The following PFKFB3 variants were observed in gnomAD, a reference collection of about 807,000 sequenced individuals.
PFKFB3 encodes the protein 6-phosphofructo-2-kinase/fructose-2,6-biphosphatase 3.
Under a neutral mutation model 68.0 loss-of-function variants are expected in PFKFB3, and 33 were observed. The ratio of observed to expected loss-of-function variants is 0.49; its 90% CI spans 0.37 to 0.65. The LOEUF (loss-of-function observed/expected upper bound fraction) is 0.65. Among genes scored for constraint, PFKFB3 ranks in the 30% least tolerant of loss-of-function variants. PFKFB3 has a pLI of 0.00. For synonymous variants in PFKFB3, 315 were observed against 288.2 expected (o/e 1.09, Z -0.94); for missense variants, 586 against 712.2 (o/e 0.82, Z 2.02).
chr10:6,288,292 T>C, the PFKFB3 span, among the ~76,000 whole-genome samples: 1 of 151,034 alleles, frequency 6.6e-6, no homozygotes, highest in East Asian at 1.9e-4. Flanking sequence ...CATGCTGGTG[T>C]GCTGCATCCA....
chr10:6,219,466 T>C, intron 6 of PFKFB3, 103 bp from the exon 7 acceptor site: 1 of 1,254,994 alleles, frequency 8.0e-7, no homozygotes, highest in Non-Finnish European at 1.2e-6. Context: ...ATCTTTATAC[T>C]GAGCCTTCTG....
intron 1 of PFKFB3, chr10:6,146,557 C>T (rs1294409356): frequency 1.4e-6 from 2 of 1,459,978 alleles, no homozygotes; most frequent in East Asian, 2.5e-5. Context: ...GTCCCTCCCC[C>T]CCTACTCATT....
At chr10:6,204,890 C>T (rs1843583196) in intron 1 of PFKFB3, among the ~76,000 whole-genome samples, 1 of 152,220 alleles carries the variant, frequency 6.6e-6, no homozygotes, top group Non-Finnish European at 1.5e-5. Context: ...CGAATGCCCA[C>T]GGGTCTGAGA....
chr10:6,304,545 G>A, the PFKFB3 span, among the ~76,000 whole-genome samples: 2 of 150,776 alleles, frequency 1.3e-5, no homozygotes, highest in East Asian at 3.9e-4. Context: ...AGTTTTAGAA[G>A]AGACAGAGTT....
At chr10:6,166,716 GC>G (rs1429227176) in intron 1 of PFKFB3, among the ~76,000 whole-genome samples, 1 of 151,982 alleles carries the variant, frequency 6.6e-6, no homozygotes, top group African/African-American at 2.4e-5. Context: ...GGGCCCAGGT[GC>G]CCTTGGACTT....
At chr10:6,156,827 C>T (rs1432128822) in intron 1 of PFKFB3, among the ~76,000 whole-genome samples, 2 of 151,986 alleles carry the variant, frequency 1.3e-5, no homozygotes, top group African/African-American at 4.8e-5. Context: ...CGTGGTGACT[C>T]ACGCCTGTAA....
Position 6,220,212 on chromosome 10 carries a change from C to T in PFKFB3, c.624-446C>T, listed in dbSNP as rs1171249498. Reference sequence around the variant, plus strand: ...AAACTTCTGGGCTCAAGTAATCCTACCGCCTCAGCCTCATGAGTAACTGGG... The same window carrying T: ...AAACTTCTGGGCTCAAGTAATCCTATCGCCTCAGCCTCATGAGTAACTGGG... On this transcript the variant is annotated intron_variant, in intron 7 of 14. Coordinates refer to ENST00000379775, the MANE Select transcript of PFKFB3 (RefSeq NM_004566.4). This position sits in a 1 kb window ranked among gnomAD's most constrained non-coding sequence, Gnocchi z 4.1. Among the ~76,000 whole-genome samples, 1 of 145,810 alleles carries T rather than the reference C, an allele frequency of 6.9e-6. No individual in the cohort carries two copies. Among genetic ancestry groups the T allele is most frequent in the Non-Finnish European group, 1.5e-5 (1 of 66,176 alleles).
intron 1 of PFKFB3, among the ~76,000 whole-genome samples, chr10:6,157,859 A>G (rs748361969): frequency 6.6e-6 from 1 of 152,214 alleles, no homozygotes; most frequent in Non-Finnish European, 1.5e-5. Flanking sequence ...ATGGCCTGAC[A>G]GTAAATCCCA....
intron 1 of PFKFB3, among the ~76,000 whole-genome samples, chr10:6,177,097 A>G (rs754225329): frequency 3.3e-5 from 5 of 152,218 alleles, no homozygotes; most frequent in African/African-American, 4.8e-5. Flanking sequence ...TCTCCTGGTC[A>G]TGCAGTGTCC....
intron 1 of PFKFB3, among the ~76,000 whole-genome samples, chr10:6,146,730 G>A (rs1841400339): frequency 6.6e-6 from 1 of 152,226 alleles, no homozygotes; most frequent in Admixed American, 6.5e-5. Context: ...AGCTGCTAAT[G>A]TATTGTTTGC....
the PFKFB3 span, among the ~76,000 whole-genome samples, chr10:6,263,813 G>A: frequency 6.6e-6 from 1 of 152,208 alleles, no homozygotes; most frequent in Non-Finnish European, 1.5e-5. Context: ...GGCCTCCCAA[G>A]TAGCTAGTAT....
rs1249915015 is a variant in PFKFB3 at position 6,203,341 on chromosome 10, G to A, written c.76+5G>A. On this transcript the variant is annotated splice_donor_5th_base_variant and intron_variant, in intron 1 of 14. Coordinates refer to ENST00000379775, the MANE Select transcript of PFKFB3 (RefSeq NM_004566.4). Reference sequence around the variant, plus strand: ...ACAGGCCCTCGTTGCCCAGATGTGAGTGCAGCTGCGCGGAGCCGGGTTGCA... The same window carrying A: ...ACAGGCCCTCGTTGCCCAGATGTGAATGCAGCTGCGCGGAGCCGGGTTGCA... 1.9e-6 allele frequency: 3 copies of A among 1,600,012 alleles called. No homozygotes were observed. Among genetic ancestry groups the A allele is most frequent in the African/African-American group, 1.4e-5 (1 of 73,284 alleles).
the PFKFB3 span, among the ~76,000 whole-genome samples, chr10:6,279,729 G>T: frequency 6.6e-6 from 1 of 152,188 alleles, no homozygotes; most frequent in African/African-American, 2.4e-5. Context: ...GGGACACCAG[G>T]AGGTGAACAA....
intron 14 of PFKFB3, chr10:6,231,218 T>C (rs977525516): frequency 4.6e-6 from 6 of 1,290,368 alleles, no homozygotes; most frequent in Non-Finnish European, 6.7e-6. Flanking sequence ...TTTTTTTTTT[T>C]CCTTTTCCAA....
the PFKFB3 span, among the ~76,000 whole-genome samples, chr10:6,288,171 T>C: frequency 3.7e-3 from 561 of 151,938 alleles, 4 homozygotes; most frequent in African/African-American, 0.013. Context: ...TACGGTGTTT[T>C]TTTCTTTCGT....
At chr10:6,190,310 G>T (rs1254378513) in intron 1 of PFKFB3, among the ~76,000 whole-genome samples, 2 of 152,208 alleles carry the variant, frequency 1.3e-5, no homozygotes, top group African/African-American at 2.4e-5. Flanking sequence ...AATTATTCCT[G>T]CAGTGATTAC....
At chr10:6,150,767 G>A (rs1046308808) in intron 1 of PFKFB3, among the ~76,000 whole-genome samples, 1 of 152,150 alleles carries the variant, frequency 6.6e-6, no homozygotes, top group Non-Finnish European at 1.5e-5. Flanking sequence ...GGAGGCCGAG[G>A]CGAGTGGATC....
At chr10:6,289,086 C>T in the PFKFB3 span, among the ~76,000 whole-genome samples, 42 of 150,204 alleles carry the variant, frequency 2.8e-4, no homozygotes, top group East Asian at 5.9e-4. Flanking sequence ...TTGAGTTCAT[C>T]GTAGATTCTG....
Position 6,216,751 on chromosome 10 carries a change from C to T in PFKFB3, c.412C>T (p.Leu138Phe). ...TACTAGAGAGAGGAGACACATGATC[C>T]TTCATTTTGCCAAAGAAAATGACTT... is the stretch of plus-strand genomic sequence containing the variant. ...NTTRERRHMI[L>F]HFAKENDFKA... Residue 138 changes from leucine (L) to phenylalanine (F), a missense_variant, in exon 5 of 15, where the codon CTT becomes TTT. Coordinates refer to ENST00000379775, the MANE Select transcript of PFKFB3 (RefSeq NM_004566.4). 6.2e-7 allele frequency: 1 copy of T among 1,613,642 alleles called. No individual in the cohort carries two copies. Among genetic ancestry groups the T allele is most frequent in the South Asian group, 1.1e-5 (1 of 91,072 alleles).
Sources: gnomAD v4.1 joint callset for allele counts (sites outside exome capture counted in the v4.1 genomes callset) on GRCh38, gnomAD v4.1.1 for gene constraint, Gnocchi (gnomAD v3.1) non-coding constraint, MANE v1.5 for transcripts, NCBI Gene and HGNC (gene_info 2026-07-23, HGNC 2026-07-21) for gene names.